The following DAB1 variants were observed in gnomAD, a reference collection of about 807,000 sequenced individuals.
DAB1 encodes DAB adaptor protein 1.
A neutral mutation model predicts 64.6 loss-of-function variants in DAB1; 15 were observed. The observed-to-expected ratio is 0.23, with a 90% CI of 0.16 to 0.36. The LOEUF is 0.36. DAB1 is among the 10% of genes least tolerant of loss of function. The pLI, the probability that DAB1 is intolerant of heterozygous loss-of-function variation, is 1.00. For missense variants in DAB1, 596 were observed against 706.7 expected, an observed-to-expected ratio of 0.84 and a Z score of 1.78; for synonymous variants, 235 against 251.9, an observed-to-expected ratio of 0.93 and a Z score of 0.64.
chr1:57,096,398 A>G (rs1456375027), intron 4 of DAB1, among the ~76,000 whole-genome samples: 1 of 152,240 alleles, frequency 6.6e-6, no homozygotes, highest in African/African-American at 2.4e-5. Flanking sequence ...CAAGAGATAT[A>G]TTTAAACTCC....
At chr1:57,745,091 T>C (rs1236337412) in intron 6 of DAB1, among the ~76,000 whole-genome samples, 1 of 152,200 alleles carries the variant, frequency 6.6e-6, no homozygotes. Context: ...TTGGGCAAAT[T>C]ACTGAATGTC....
intron 9 of DAB1, among the ~76,000 whole-genome samples, chr1:57,060,417 T>A (rs1339324174): frequency 2.6e-5 from 4 of 152,142 alleles, no homozygotes; most frequent in Non-Finnish European, 5.9e-5. Context: ...CCCAAAGTAC[T>A]GGAATTACAG....
chr1:57,488,331 G>C (rs377408409), intron 7 of DAB1, among the ~76,000 whole-genome samples: 1 of 151,774 alleles, frequency 6.6e-6, no homozygotes, highest in Middle Eastern at 3.4e-3. Flanking sequence ...GAACCCGGGC[G>C]GGGGAGCTTG....
intron 2 of DAB1, among the ~76,000 whole-genome samples, chr1:58,508,057 T>G (rs1461512534): frequency 6.6e-6 from 1 of 152,118 alleles, no homozygotes; most frequent in African/African-American, 2.4e-5. Context: ...CTATTCAATC[T>G]CTAAGTAACA....
intron 7 of DAB1, among the ~76,000 whole-genome samples, chr1:57,481,244 T>C (rs1644015135): frequency 6.6e-6 from 1 of 152,166 alleles, no homozygotes; most frequent in South Asian, 2.1e-4. Flanking sequence ...ATGCAAAAGA[T>C]AGGGAGCTAC....
chr1:57,023,195 A>G (rs1413941373), intron 11 of DAB1, among the ~76,000 whole-genome samples: 1 of 152,124 alleles, frequency 6.6e-6, no homozygotes, highest in Non-Finnish European at 1.5e-5. Flanking sequence ...TCCCCTGCTT[A>G]TTGCTTTCTC....
intron 5 of DAB1, among the ~76,000 whole-genome samples, chr1:58,135,150 T>C (rs749988624): frequency 1.3e-5 from 2 of 152,194 alleles, no homozygotes; most frequent in African/African-American, 4.8e-5. Flanking sequence ...ATCATGGATG[T>C]GAGACAGCTC....
At chr1:57,195,353 A>G (rs1193499746) in intron 2 of DAB1, among the ~76,000 whole-genome samples, 2 of 152,234 alleles carry the variant, frequency 1.3e-5, no homozygotes, top group Non-Finnish European at 2.9e-5. Context: ...TTCACTTAAC[A>G]TATATTTGAG....
intron 2 of DAB1, among the ~76,000 whole-genome samples, chr1:57,222,547 T>C (rs1278262325): frequency 6.6e-6 from 1 of 151,764 alleles, no homozygotes; most frequent in African/African-American, 2.4e-5. Context: ...ACTGCCAGTT[T>C]AGTGGCCAGC....
intron 1 of DAB1, among the ~76,000 whole-genome samples, chr1:58,543,891 C>G (rs12563531): frequency 0.13 from 19,385 of 152,230 alleles, 1,862 homozygotes; most frequent in East Asian, 0.41. Flanking sequence ...GTAGCCCCTA[C>G]ATGTGGCTAC....
intron 7 of DAB1, among the ~76,000 whole-genome samples, chr1:57,587,570 C>T (rs559759782): frequency 1.3e-5 from 2 of 152,238 alleles, no homozygotes; most frequent in South Asian, 4.2e-4. Flanking sequence ...CTCAATTGTA[C>T]CATGGGTCCC....
At chr1:58,170,585 G>C (rs1234835583) in intron 4 of DAB1, among the ~76,000 whole-genome samples, 1 of 152,188 alleles carries the variant, frequency 6.6e-6, no homozygotes, top group East Asian at 1.9e-4. Context: ...CCCAGCCTTT[G>C]TCATGGCCCT....
intron 6 of DAB1, among the ~76,000 whole-genome samples, chr1:57,783,829 T>C (rs569874810): frequency 2.6e-5 from 4 of 152,326 alleles, no homozygotes; most frequent in Middle Eastern, 3.4e-3. Context: ...TGCACCCATA[T>C]AAAATCAACA....
chr1:57,528,677 C>CACAT (rs1558464301), intron 7 of DAB1, among the ~76,000 whole-genome samples: 1 of 143,240 alleles, frequency 7.0e-6, no homozygotes, highest in South Asian at 2.2e-4. Flanking sequence ...CACACACACA[C>CACAT]GGACACACAA....
chr1:58,032,009 T>TGTGTGTGC (rs1646978676), intron 5 of DAB1, among the ~76,000 whole-genome samples: 1 of 61,910 alleles, frequency 1.6e-5, no homozygotes. Flanking sequence ...TGTGTGTGTG[T>TGTGTGTGC]GTGTGTGTGT....
intron 5 of DAB1, among the ~76,000 whole-genome samples, chr1:58,052,247 T>G (rs1647723776): frequency 6.6e-6 from 1 of 152,234 alleles, no homozygotes; most frequent in Admixed American, 6.5e-5. Context: ...GGATCCAGTT[T>G]CAGCTTTCTA....
intron 3 of DAB1, among the ~76,000 whole-genome samples, chr1:58,453,169 C>T (rs849591): frequency 0.065 from 9,875 of 151,756 alleles, 936 homozygotes; most frequent in African/African-American, 0.21. Context: ...TATGACCTTC[C>T]GGAAAAGGTA....
chr1:57,052,443 A>C (rs945097793), intron 9 of DAB1, among the ~76,000 whole-genome samples: 1 of 152,130 alleles, frequency 6.6e-6, no homozygotes, highest in Non-Finnish European at 1.5e-5. Flanking sequence ...TTTTCTGGAC[A>C]CATACTCTGT....
At chr1:57,044,566 C>CT (rs1462423160) in intron 9 of DAB1, among the ~76,000 whole-genome samples, 2 of 152,208 alleles carry the variant, frequency 1.3e-5, no homozygotes, top group Admixed American at 1.3e-4. Context: ...CACCTTATCT[C>CT]TGAGGACCTT....
Sources: allele counts gnomAD v4.1 joint callset (sites outside exome capture counted in the v4.1 genomes callset), GRCh38; gene constraint gnomAD v4.1.1; transcripts MANE v1.5; gene names NCBI Gene and HGNC (gene_info 2026-07-23, HGNC 2026-07-21).